Variants in RORA observed in about 807,000 individuals in gnomAD.
The protein encoded by RORA is RAR related orphan receptor A.
RORA carries 7 observed loss-of-function variants against 69.5 expected under a neutral mutation model. The ratio of observed to expected loss-of-function variants is 0.10; its 90% CI spans 0.06 to 0.19. The LOEUF (loss-of-function observed/expected upper bound fraction) is 0.19. Ranked by LOEUF, RORA falls within the 10% of genes least tolerant of loss-of-function variation. The pLI, the probability that RORA is intolerant of heterozygous loss-of-function variation, is 1.00. For synonymous variants in RORA, 261 were observed against 240.8 expected (o/e 1.08, Z -0.78); for missense variants, 457 against 663.0 (o/e 0.69, Z 3.41).
At chr15:61,032,944 G>A (rs1285363698) in intron 1 of RORA, among the ~76,000 whole-genome samples, 4 of 152,178 alleles carry the variant, frequency 2.6e-5, no homozygotes, top group Non-Finnish European at 5.9e-5. Context: ...CCTACTATGT[G>A]TCAGGCACTT....
intron 1 of RORA, among the ~76,000 whole-genome samples, chr15:61,173,780 C>A (rs896676925): frequency 6.6e-6 from 1 of 152,164 alleles, no homozygotes; most frequent in African/African-American, 2.4e-5. Flanking sequence ...CTCAGCCTCC[C>A]GAGTAGCTGG....
At chr15:60,501,625 AT>A (rs1309015416) in intron 8 of RORA, among the ~76,000 whole-genome samples, 1 of 152,234 alleles carries the variant, frequency 6.6e-6, no homozygotes, top group East Asian at 1.9e-4. Context: ...GATATGTTAA[AT>A]TAACTCATTT....
intron 1 of RORA, among the ~76,000 whole-genome samples, chr15:61,132,111 A>G (rs549844322): frequency 1.3e-5 from 2 of 152,346 alleles, no homozygotes; most frequent in African/African-American, 4.8e-5. Context: ...TCACTAATCT[A>G]TCTATTCCTG....
At chr15:60,896,310 G>A (rs142568334) in intron 1 of RORA, among the ~76,000 whole-genome samples, 168 of 152,264 alleles carry the variant, frequency 1.1e-3, no homozygotes, top group African/African-American at 3.5e-3. Flanking sequence ...AGACATCGTT[G>A]GTACCAATCA....
intron 1 of RORA, among the ~76,000 whole-genome samples, chr15:61,052,049 C>A (rs189779465): frequency 6.6e-6 from 1 of 152,232 alleles, no homozygotes; most frequent in Non-Finnish European, 1.5e-5. Flanking sequence ...GAAATGCTAT[C>A]GTCTGCAGTC....
At position 60,583,705 on chromosome 15, in the gene RORA, G is replaced by A. The variant is rs533110336; in HGVS notation, c.197-51854C>T. Among the ~76,000 whole-genome samples the A allele has an allele frequency of 3.3e-5, 5 of 152,188 alleles. No individual in the cohort carries two copies. The South Asian group carries it at 1.0e-3, about 32-fold the overall frequency. ...GCTTCTGCATGCTGGTTGATAGCAA[G>A]GCCAAAGTTAACAGAAAAATATTTC... On this transcript the variant is annotated intron_variant, in intron 2 of 10. Transcript: ENST00000335670.
chr15:61,166,359 G>A (rs530719745), intron 1 of RORA, among the ~76,000 whole-genome samples: 36 of 152,146 alleles, frequency 2.4e-4, no homozygotes, highest in South Asian at 1.7e-3. Context: ...ATTTCCCCAC[G>A]TCAGCCTTGT....
intron 1 of RORA, among the ~76,000 whole-genome samples, chr15:60,917,875 T>A (rs1891925245): frequency 6.6e-6 from 1 of 152,154 alleles, no homozygotes; most frequent in Admixed American, 6.5e-5. Context: ...CACCCTCAAG[T>A]GACAAAGCGT....
chr15:60,906,132 T>C (rs1016743329), intron 1 of RORA, among the ~76,000 whole-genome samples: 1 of 152,226 alleles, frequency 6.6e-6, no homozygotes, highest in Non-Finnish European at 1.5e-5. Flanking sequence ...AAGCCTGCTA[T>C]GCGTCTGTGA....
At position 60,724,504 on chromosome 15, in the gene RORA, G is replaced by A. The variant is rs995854045; in HGVS notation, c.167-45818C>T. Among the ~76,000 whole-genome samples, 7 of 152,160 alleles carry A rather than the reference G, an allele frequency of 4.6e-5. 1 individual carries two copies. The East Asian group carries it at 1.3e-3, about 29-fold the overall frequency. ...TTTATCCAGGTGTTCGGGCTCTCCA[G>A]GTCTCCTGATGGGACAGAAGCCCAT... is the stretch of plus-strand genomic sequence containing the variant. On this transcript the variant is annotated intron_variant, in intron 1 of 10. Transcript: ENST00000335670.
At chr15:60,583,859 G>A in intron 2 of RORA, among the ~76,000 whole-genome samples, 1 of 152,118 alleles carries the variant, frequency 6.6e-6, no homozygotes, top group Non-Finnish European at 1.5e-5. Flanking sequence ...CTTTCCTCGT[G>A]AGTAAGAGGA....
At chr15:60,881,735 C>T (rs1357857955) in intron 1 of RORA, among the ~76,000 whole-genome samples, 1 of 152,094 alleles carries the variant, frequency 6.6e-6, no homozygotes, top group Non-Finnish European at 1.5e-5. Context: ...AGCAGAGAGA[C>T]CACTCAAGAA....
chr15:61,071,737 C>T (rs1227141744), intron 1 of RORA, among the ~76,000 whole-genome samples: 1 of 149,312 alleles, frequency 6.7e-6, no homozygotes, highest in African/African-American at 2.5e-5. Flanking sequence ...AAGGAACAGG[C>T]TTATTCTTTG....
chr15:60,995,362 G>A (rs1438193056), intron 1 of RORA, among the ~76,000 whole-genome samples: 1 of 152,172 alleles, frequency 6.6e-6, no homozygotes, highest in Non-Finnish European at 1.5e-5. Flanking sequence ...GTTCTCAAAT[G>A]ATTCTCGGCC....
chr15:60,895,888 A>C (rs898639095), intron 1 of RORA, among the ~76,000 whole-genome samples: 1 of 152,226 alleles, frequency 6.6e-6, no homozygotes, highest in South Asian at 2.1e-4. Context: ...GCAAGAGCTT[A>C]AAGTTCATCC....
At chr15:60,990,737 A>T (rs1269885717) in intron 1 of RORA, among the ~76,000 whole-genome samples, 1 of 152,200 alleles carries the variant, frequency 6.6e-6, no homozygotes, top group Non-Finnish European at 1.5e-5. Flanking sequence ...CACCTACAGC[A>T]TGAGTTTTCC....
chr15:60,625,403 C>T (rs189721338), intron 2 of RORA, among the ~76,000 whole-genome samples: 8 of 152,302 alleles, frequency 5.3e-5, no homozygotes, highest in East Asian at 1.9e-4. Context: ...CACTTTGCAA[C>T]GTCCATTAAT....
intron 1 of RORA, among the ~76,000 whole-genome samples, chr15:60,877,089 TTAAAA>T (rs1595785127): frequency 1.3e-5 from 2 of 152,120 alleles, no homozygotes; most frequent in Admixed American, 1.3e-4. Context: ...ACACCTGAAC[TTAAAA>T]TAAAAGTTAA....
chr15:60,713,905 T>C (rs1344568195), intron 1 of RORA, among the ~76,000 whole-genome samples: 1 of 152,232 alleles, frequency 6.6e-6, no homozygotes, highest in Non-Finnish European at 1.5e-5. Flanking sequence ...CTGCTGACCC[T>C]AGCCTTTCAA....
Sources: gnomAD v4.1 joint callset for allele counts (sites outside exome capture counted in the v4.1 genomes callset) on GRCh38, gnomAD v4.1.1 for gene constraint, MANE v1.5 for transcripts, NCBI Gene and HGNC (gene_info 2026-07-23, HGNC 2026-07-21) for gene names.